Variants in CHD1L observed in about 807,000 individuals in gnomAD.
The protein encoded by CHD1L is chromodomain helicase DNA binding protein 1 like, also known as ATP-dependent chromatin remodeler CHD1L.
Under a neutral mutation model 115.9 loss-of-function variants are expected in CHD1L, and 118 were observed. The ratio of observed to expected loss-of-function variants is 1.02; its 90% confidence interval spans 0.88 to 1.19. The LOEUF is 1.19. Ranked by LOEUF, CHD1L falls within the 50% of genes most tolerant of loss-of-function variation. CHD1L has a pLI of 0.00. For synonymous variants in CHD1L, 411 were observed against 387.1 expected, an observed-to-expected ratio of 1.06 and a Z score of -0.72; for missense variants, 1,179 against 1,065.3, an observed-to-expected ratio of 1.11 and a Z score of -1.49.
chr1:147,278,956 C>T (rs983753577), intron 14 of CHD1L, among the ~76,000 whole-genome samples: 1 of 152,046 alleles, frequency 6.6e-6, no homozygotes, highest in African/African-American at 2.4e-5. Context: ...TGAGCAATAA[C>T]AAGGGAGAGC....
the CHD1L span, among the ~76,000 whole-genome samples, chr1:147,216,199 G>T: frequency 5.3e-5 from 8 of 152,152 alleles, no homozygotes; most frequent in Admixed American, 4.6e-4. Flanking sequence ...TGCGGATTCT[G>T]CCTGGGTCTC....
In CHD1L at chr1:147,255,921, C is replaced by G; in HGVS notation, c.456C>G (p.Thr152=). Residue 152 remains threonine, a synonymous_variant, in exon 4 of 23, where the codon ACC becomes ACG. Coordinates refer to ENST00000369258, the MANE Select transcript of CHD1L (RefSeq NM_004284.6). ...QESRFHVLLT[T]YEICLKDASF... ...CACGTTTTCATGTGCTACTGACTAC[C>G]TATGAGGTATTCATTCGTTTCTCTA... 1.2e-6 allele frequency: 2 copies of G among 1,609,188 alleles called. No individual in the cohort carries two copies. The highest frequency in any genetic ancestry group is 1.7e-6 in the Non-Finnish European group (2 of 1,176,212).
chr1:147,191,198 C>T, the CHD1L span, among the ~76,000 whole-genome samples: 1 of 152,200 alleles, frequency 6.6e-6, no homozygotes, highest in African/African-American at 2.4e-5. Flanking sequence ...GGTATATACC[C>T]AGTAATGGGA....
At chr1:147,228,879 G>A in the CHD1L span, among the ~76,000 whole-genome samples, 1 of 151,930 alleles carries the variant, frequency 6.6e-6, no homozygotes, top group African/African-American at 2.4e-5. Flanking sequence ...TTGTAAATTT[G>A]TTTGAGTTCA....
chr1:147,181,387 G>A, the CHD1L span, among the ~76,000 whole-genome samples: 1 of 152,170 alleles, frequency 6.6e-6, no homozygotes, highest in South Asian at 2.1e-4. Context: ...AGCAGAGGGT[G>A]CCTATGTGAC....
the CHD1L span, among the ~76,000 whole-genome samples, chr1:147,233,654 G>C: frequency 3.3e-5 from 5 of 152,206 alleles, no homozygotes; most frequent in Non-Finnish European, 5.9e-5. Context: ...GAATAGAAAG[G>C]GGGGAAAGGT....
chr1:147,243,392 CTT>C (rs1474795303), intron 1 of CHD1L, among the ~76,000 whole-genome samples: 1 of 151,146 alleles, frequency 6.6e-6, no homozygotes, highest in East Asian at 2.0e-4. Flanking sequence ...ATTTTTGTGT[CTT>C]GAGTCATTCA....
At chr1:147,178,927 A>G in the CHD1L span, 1 of 1,595,878 alleles carries the variant, frequency 6.3e-7, no homozygotes, top group Non-Finnish European at 8.6e-7. Context: ...CTATGAAAAG[A>G]ATGCTAAAGG....
At chr1:147,241,883 A>G (rs587622999), upstream of CHD1L, among the ~76,000 whole-genome samples, 1 of 152,332 alleles carries the variant, frequency 6.6e-6, no homozygotes, top group South Asian at 2.1e-4. Context: ...TACAAGTCCC[A>G]ATATCTTCAT....
the CHD1L span, among the ~76,000 whole-genome samples, chr1:147,226,107 CT>C: frequency 1.4e-5 from 2 of 147,814 alleles, no homozygotes; most frequent in Non-Finnish European, 3.0e-5. Flanking sequence ...ATTTATCTTA[CT>C]TTTTTTTTTT....
At chr1:147,280,912 G>T (rs1680590846) in intron 15 of CHD1L, among the ~76,000 whole-genome samples, 1 of 152,100 alleles carries the variant, frequency 6.6e-6, no homozygotes, top group Admixed American at 6.5e-5. Flanking sequence ...GTCTTACTAG[G>T]CTTCTTAATT....
the CHD1L span, among the ~76,000 whole-genome samples, chr1:147,220,789 A>C: frequency 2.0e-5 from 3 of 152,170 alleles, no homozygotes; most frequent in African/African-American, 7.2e-5. Context: ...TTATCCTTGT[A>C]ACAAACTTTC....
intron 2 of CHD1L, among the ~76,000 whole-genome samples, chr1:147,254,519 T>A (rs944509767): frequency 2.0e-5 from 3 of 152,370 alleles, no homozygotes; most frequent in African/African-American, 7.2e-5. Context: ...TCTTGCTTAA[T>A]GTTTTCAGAG....
At chr1:147,182,547 CCTGA>C in the CHD1L span, among the ~76,000 whole-genome samples, 1 of 152,158 alleles carries the variant, frequency 6.6e-6, no homozygotes, top group African/African-American at 2.4e-5. Context: ...TGAAGCTAAT[CCTGA>C]CTAAGACATT....
At chr1:147,259,436 C>A (rs1671190789) in intron 5 of CHD1L, 2 of 154,482 alleles carry the variant, frequency 1.3e-5, no homozygotes, top group Admixed American at 1.3e-4. Flanking sequence ...ACCAAGTCAC[C>A]TAACCTTTCT....
chr1:147,211,398 T>A, the CHD1L span: 5 of 152,256 alleles, frequency 3.3e-5, no homozygotes, highest in Non-Finnish European at 7.3e-5. Flanking sequence ...GATTATTTCC[T>A]GATAAATGTC....
the CHD1L span, among the ~76,000 whole-genome samples, chr1:147,234,952 A>G: frequency 6.6e-6 from 1 of 152,164 alleles, no homozygotes; most frequent in Non-Finnish European, 1.5e-5. Context: ...GGTTCTTCCT[A>G]TTAGGAAGCA....
Position 147,275,343 on chromosome 1 carries a change from AT to A in CHD1L, c.1271-9del. The A allele has an allele frequency of 6.2e-7, 1 of 1,602,648 alleles. No individual in the cohort carries two copies. Among genetic ancestry groups the A allele is most frequent in the South Asian group, 1.1e-5 (1 of 90,828 alleles). On this transcript the variant is annotated splice_polypyrimidine_tract_variant and intron_variant, in intron 12 of 22. Coordinates refer to ENST00000369258, the MANE Select transcript of CHD1L (RefSeq NM_004284.6). ...TGCTGCTGATTACATTCCTTTTTGC[AT>A]TGTTTTCAGGTGGAGTTGGCATGAA...
the CHD1L span, among the ~76,000 whole-genome samples, chr1:147,197,530 C>G: frequency 6.6e-6 from 1 of 152,024 alleles, no homozygotes; most frequent in African/African-American, 2.4e-5. Flanking sequence ...GGTGGTTACT[C>G]TCATACTGCT....
Sources: allele counts gnomAD v4.1 joint callset (sites outside exome capture counted in the v4.1 genomes callset), GRCh38; gene constraint gnomAD v4.1.1; transcripts MANE v1.5; gene names NCBI Gene and HGNC (gene_info 2026-07-23, HGNC 2026-07-21).